The following SPART variants were observed in gnomAD, a reference collection of about 807,000 sequenced individuals.
SPART encodes the protein spastic paraplegia 20 (Troyer syndrome).
In SPART, 35 loss-of-function variants were observed where a neutral mutation model predicts 58.7. The observed-to-expected ratio is 0.60, with a 90% CI of 0.46 to 0.79. The LOEUF (loss-of-function observed/expected upper bound fraction) is 0.79, where lower values mean the gene tolerates loss of function less well. Ranked by LOEUF, SPART falls within the 30% of genes least tolerant of loss-of-function variation. The probability of loss-of-function intolerance (pLI) is 0.00; values close to 1 mark genes in which losing one functional copy is unlikely to be tolerated. For missense variants in SPART, 730 were observed against 786.1 expected, an observed-to-expected ratio of 0.93 and a Z score of 0.85; for synonymous variants, 284 against 280.7, an observed-to-expected ratio of 1.01 and a Z score of -0.12.
At chr13:36,321,699 C>A (rs1673683360) in intron 5 of SPART, among the ~76,000 whole-genome samples, 1 of 152,158 alleles carries the variant, frequency 6.6e-6, no homozygotes, top group Non-Finnish European at 1.5e-5. Context: ...CACTTCAACA[C>A]TATTTTGTTT....
At chr13:36,332,098 TCAATTAAGTC>T (rs1399663345) in intron 2 of SPART, among the ~76,000 whole-genome samples, 3 of 152,202 alleles carry the variant, frequency 2.0e-5, no homozygotes, top group South Asian at 4.1e-4. Flanking sequence ...CACAGAGAGG[TCAATTAAGTC>T]GCCCAGAACC....
At chr13:36,363,531 G>T (rs1295089824) in intron 1 of SPART, among the ~76,000 whole-genome samples, 1 of 152,022 alleles carries the variant, frequency 6.6e-6, no homozygotes, top group African/African-American at 2.4e-5. Context: ...AAGATTTGGG[G>T]TTTTTATTGA....
At position 36,312,348 on chromosome 13, in the gene SPART, G is replaced by C. The variant is rs1345117716; in HGVS notation, c.1613C>G (p.Ala538Gly). The change falls in exon 7 of 9, where the codon GCT (alanine) becomes GGT (glycine). Residue 538 changes from alanine (A) to glycine (G), a missense_variant. Ala to Gly is a moderately conservative substitution (Grantham distance 60, BLOSUM62 0). Coordinates refer to ENST00000438666, the MANE Select transcript of SPART (RefSeq NM_015087.5). ...DKDGKSPLDG[A>G]MVVAASSVQG... ...AACACTACTTGCTGCTACAACCATA[G>C]CACCATCCAGAGGAGATTTCCCATC... 1 of 1,614,054 alleles carries C rather than the reference G, an allele frequency of 6.2e-7. No individual in the cohort carries two copies. Among genetic ancestry groups the C allele is most frequent in the South Asian group, 1.1e-5 (1 of 91,082 alleles).
chr13:36,354,941 G>A (rs1382186936), intron 1 of SPART, among the ~76,000 whole-genome samples: 1 of 152,222 alleles, frequency 6.6e-6, no homozygotes, highest in Non-Finnish European at 1.5e-5. Context: ...AACAGAAAAT[G>A]TAAGTAAAGA....
chr13:36,350,110 C>G (rs1242159454), upstream of SPART, among the ~76,000 whole-genome samples: 1 of 152,134 alleles, frequency 6.6e-6, no homozygotes, highest in Non-Finnish European at 1.5e-5. Context: ...TGAGGTAAAA[C>G]AAGGATTGGA....
At chr13:36,329,596 T>C in intron 3 of SPART, 79 bp from the exon 4 acceptor site, 1 of 1,396,464 alleles carries the variant, frequency 7.2e-7, no homozygotes, top group Non-Finnish European at 1.0e-6. Context: ...TACACCATGC[T>C]CAAATGACAT....
intron 1 of SPART, among the ~76,000 whole-genome samples, chr13:36,352,988 A>C (rs1222501317): frequency 6.6e-6 from 1 of 152,112 alleles, no homozygotes; most frequent in African/African-American, 2.4e-5. Context: ...AATTGAGAAG[A>C]GAGGAAAAGC....
intron 5 of SPART, among the ~76,000 whole-genome samples, chr13:36,315,714 A>T (rs372164909): frequency 2.0e-5 from 3 of 152,200 alleles, no homozygotes; most frequent in Non-Finnish European, 2.9e-5. Context: ...ATGCCCATTT[A>T]AAAAAATTAT....
At chr13:36,366,662 A>T (rs1317310892) in intron 1 of SPART, among the ~76,000 whole-genome samples, 1 of 151,984 alleles carries the variant, frequency 6.6e-6, no homozygotes, top group Non-Finnish European at 1.5e-5. Context: ...ATCTTGGGGG[A>T]CCTCCTCTTT....
rs747987744 is a variant in SPART, at chr13:36,335,550, A to T, written c.281T>A (p.Ile94Asn). 2.5e-6 allele frequency: 4 copies of T among 1,614,116 alleles called. No individual in the cohort carries two copies. The highest frequency in any genetic ancestry group is 3.4e-6 in the Non-Finnish European group (4 of 1,180,020). Residue 94 changes from isoleucine to asparagine, a missense_variant, in exon 2 of 9, where the codon ATT becomes AAT. Physicochemically the swap from Ile to Asn is moderately radical, Grantham distance 149. Coordinates refer to ENST00000438666, the MANE Select transcript of SPART (RefSeq NM_015087.5). ...AGAAGTGGCAAGACCCTTCTCTAGA[A>T]TTTCCAGCCTGGTGCGTACATTCTG... ...TLQNVRTRLE[I>N]LEKGLATSLQ... is the part of the protein sequence containing the mutation.
At chr13:36,359,087 C>T (rs1885736920) in intron 1 of SPART, among the ~76,000 whole-genome samples, 1 of 152,114 alleles carries the variant, frequency 6.6e-6, no homozygotes, top group Non-Finnish European at 1.5e-5. Context: ...TGTTCCAAAC[C>T]ACAGCAAGTA....
At chr13:36,368,648 G>A (rs1362831416) in intron 1 of SPART, among the ~76,000 whole-genome samples, 1 of 152,108 alleles carries the variant, frequency 6.6e-6, no homozygotes, top group Non-Finnish European at 1.5e-5. Flanking sequence ...CATTACTAAA[G>A]CTAACATTAA....
In SPART at chr13:36,312,162, T is replaced by C; in HGVS notation, c.1716A>G (p.Val572=). Residue 572 remains valine (V), a synonymous_variant, in exon 8 of 9, where the codon GTA becomes GTG. Transcript: ENST00000438666. ...CAACTTACTTGTATCTGACAGTTTG[T>C]ACAGTTTCTGCTGAAACATTGTTAA... ...CIVNNVSAET[V]QTVRYKYGYN... 6.2e-7 allele frequency: 1 copy of C among 1,613,808 alleles called. No individual in the cohort carries two copies. Among genetic ancestry groups the C allele is most frequent in the Non-Finnish European group, 8.5e-7 (1 of 1,179,650 alleles).
intron 1 of SPART, among the ~76,000 whole-genome samples, chr13:36,352,636 G>A (rs983732813): frequency 4.6e-5 from 7 of 152,116 alleles, no homozygotes; most frequent in African/African-American, 1.7e-4. Flanking sequence ...GTGGAGTAGG[G>A]AATGAGAAGC....
chr13:36,336,200 G>A, intron 1 of SPART: 1 of 168,718 alleles, frequency 5.9e-6, no homozygotes, highest in Non-Finnish European at 1.3e-5. Flanking sequence ...TATAAATCCA[G>A]ATTATATCCA....
chr13:36,312,567 T>C (rs759216357), intron 6 of SPART, 90 bp from the exon 7 acceptor site: 55 of 1,313,446 alleles, frequency 4.2e-5, no homozygotes, highest in Non-Finnish European at 5.5e-5. Context: ...TAAATGAACA[T>C]CTAAATTGTT....
At chr13:36,307,452 T>TTAACTTAA (rs1880626915) in intron 8 of SPART, among the ~76,000 whole-genome samples, 1 of 152,036 alleles carries the variant, frequency 6.6e-6, no homozygotes, top group Non-Finnish European at 1.5e-5. Context: ...TACACTTAAC[T>TTAACTTAA]ATAGCATAGT....
chr13:36,360,354 T>G (rs531627842), intron 1 of SPART, among the ~76,000 whole-genome samples: 21 of 152,166 alleles, frequency 1.4e-4, no homozygotes, highest in African/African-American at 4.8e-4. Context: ...GAATGATGAA[T>G]GTTAGAGCTA....
At chr13:36,336,661 A>T (rs1324601874) in intron 1 of SPART, among the ~76,000 whole-genome samples, 1 of 152,208 alleles carries the variant, frequency 6.6e-6, no homozygotes, top group East Asian at 1.9e-4. Flanking sequence ...CACCCACTCA[A>T]TGACCCAACA....
Sources: allele counts gnomAD v4.1 joint callset (sites outside exome capture counted in the v4.1 genomes callset), GRCh38; gene constraint gnomAD v4.1.1; transcripts MANE v1.5; gene names NCBI Gene and HGNC (gene_info 2026-07-23, HGNC 2026-07-21).